GLRA3: variants seen among roughly 807,000 people sequenced by gnomAD.
GLRA3 encodes glycine receptor alpha 3, also known as glycine receptor subunit alpha-3.
GLRA3 carries 44 observed loss-of-function variants against 60.4 expected under a neutral mutation model. The ratio of observed to expected loss-of-function variants is 0.73; its 90% confidence interval spans 0.57 to 0.94. GLRA3 has a LOEUF of 0.94. GLRA3 is among the 40% of genes least tolerant of loss of function. The pLI is 0.00. For synonymous variants in GLRA3, 223 were observed against 192.9 expected, an observed-to-expected ratio of 1.16 and a Z score of -1.29; for missense variants, 508 against 564.6, an observed-to-expected ratio of 0.90 and a Z score of 1.02.
intron 1 of GLRA3, among the ~76,000 whole-genome samples, chr4:174,825,627 TG>T (rs1740934930): frequency 6.6e-6 from 1 of 152,146 alleles, no homozygotes; most frequent in Non-Finnish European, 1.5e-5. Flanking sequence ...CAAAGAAAGC[TG>T]AACACTGATG....
At chr4:174,663,673 C>T (rs1196619425) in intron 7 of GLRA3, among the ~76,000 whole-genome samples, 1 of 152,140 alleles carries the variant, frequency 6.6e-6, no homozygotes, top group Non-Finnish European at 1.5e-5. Flanking sequence ...AGCTTCTCCG[C>T]CAAGTACAGC....
At chr4:174,810,256 A>G (rs1222517486) in intron 1 of GLRA3, among the ~76,000 whole-genome samples, 1 of 152,128 alleles carries the variant, frequency 6.6e-6, no homozygotes, top group Non-Finnish European at 1.5e-5. Context: ...AAAGGAAACA[A>G]AAGATGCTGG....
intron 5 of GLRA3, among the ~76,000 whole-genome samples, chr4:174,705,582 A>C (rs73867682): frequency 0.067 from 9,694 of 143,966 alleles, 1,590 homozygotes; most frequent in African/African-American, 0.18. Flanking sequence ...TTAGCCTCCA[A>C]TAGTCTTTTC....
intron 6 of GLRA3, among the ~76,000 whole-genome samples, chr4:174,678,143 C>T (rs1734200933): frequency 6.6e-6 from 1 of 152,078 alleles, no homozygotes; most frequent in East Asian, 1.9e-4. Context: ...CTTAAAAACA[C>T]ACTAAAAACA....
chr4:174,768,815 T>C lies in GLRA3; in HGVS notation c.200-1785A>G, dbSNP rs114139279. ...TTCTTTTCCCACCACCTTGTTTATA[T>C]GACCTTCAAAACATTTCATTATCTG... On this transcript the variant is annotated intron_variant, in intron 2 of 9. Transcript: ENST00000274093. Among the ~76,000 whole-genome samples, 668 of 152,270 alleles carry C rather than the reference T, an allele frequency of 4.4e-3. 3 individuals carry two copies. The highest frequency in any genetic ancestry group is 0.017 in the Middle Eastern group (5 of 294).
chr4:174,724,074 G>GTA (rs759675370), intron 4 of GLRA3, among the ~76,000 whole-genome samples: 479 of 146,738 alleles, frequency 3.3e-3, no homozygotes, highest in Middle Eastern at 7.1e-3. Context: ...ATATATATAT[G>GTA]TATATATATA....
chr4:174,715,024 G>A (rs941382472), intron 5 of GLRA3, among the ~76,000 whole-genome samples: 4 of 152,168 alleles, frequency 2.6e-5, no homozygotes, highest in Non-Finnish European at 4.4e-5. Flanking sequence ...TAGGTTTGGA[G>A]GCAGTTTGTC....
chr4:174,722,662 G>A (rs978401033), intron 4 of GLRA3: 1 of 160,372 alleles, frequency 6.2e-6, no homozygotes, highest in African/African-American at 2.4e-5. Flanking sequence ...TTTTAATGGG[G>A]TTTCAGAGGA....
intron 3 of GLRA3, among the ~76,000 whole-genome samples, chr4:174,762,491 T>C (rs1238769792): frequency 6.6e-6 from 1 of 152,152 alleles, no homozygotes; most frequent in African/African-American, 2.4e-5. Flanking sequence ...TTTTTGGTTC[T>C]TATAACTAGG....
chr4:174,791,598 T>C (rs1206506167), intron 1 of GLRA3, among the ~76,000 whole-genome samples: 2 of 152,224 alleles, frequency 1.3e-5, no homozygotes, highest in Non-Finnish European at 2.9e-5. Context: ...TATCATACTT[T>C]CTTTTTAGCT....
intron 1 of GLRA3, among the ~76,000 whole-genome samples, chr4:174,817,453 T>C (rs907037017): frequency 6.6e-6 from 1 of 152,190 alleles, no homozygotes; most frequent in Non-Finnish European, 1.5e-5. Flanking sequence ...ATTGTGCACT[T>C]TTTGTCACTC....
intron 4 of GLRA3, among the ~76,000 whole-genome samples, chr4:174,723,170 T>C (rs1736193756): frequency 6.6e-6 from 1 of 152,128 alleles, no homozygotes; most frequent in Non-Finnish European, 1.5e-5. Context: ...ATCTCATTAA[T>C]TGTATTTAAA....
At chr4:174,718,939 T>C (rs1235697157) in intron 4 of GLRA3, among the ~76,000 whole-genome samples, 1 of 151,022 alleles carries the variant, frequency 6.6e-6, no homozygotes, top group Non-Finnish European at 1.5e-5. Flanking sequence ...AGCCCTGGGG[T>C]TCTAGTTCTA....
chr4:174,744,364 C>G (rs373863841), intron 3 of GLRA3, among the ~76,000 whole-genome samples: 1 of 152,368 alleles, frequency 6.6e-6, no homozygotes, highest in East Asian at 1.9e-4. Context: ...CCTACTGACA[C>G]AGGTGCTGGT....
intron 4 of GLRA3, among the ~76,000 whole-genome samples, chr4:174,718,600 T>C (rs2111104123): frequency 6.6e-6 from 1 of 152,362 alleles, no homozygotes; most frequent in East Asian, 1.9e-4. Flanking sequence ...TTGCTGACTC[T>C]ATTATAGACT....
intron 2 of GLRA3, among the ~76,000 whole-genome samples, chr4:174,782,311 C>T (rs1186216586): frequency 1.3e-5 from 2 of 151,840 alleles, no homozygotes; most frequent in African/African-American, 2.4e-5. Context: ...ATTCATGGGA[C>T]GTATTTCAAA....
intron 1 of GLRA3, among the ~76,000 whole-genome samples, chr4:174,806,604 T>A (rs775689134): frequency 6.6e-5 from 10 of 152,112 alleles, no homozygotes; most frequent in Non-Finnish European, 1.5e-4. Context: ...GTATAACAAC[T>A]ATTTAAATGG....
At position 174,789,269 on chromosome 4, in the gene GLRA3, T is replaced by A. The variant is rs78036073; in HGVS notation, c.72-326A>T. On this transcript the variant is annotated intron_variant, in intron 1 of 9. Transcript: ENST00000274093. ...TCTGATAGCAATTTTTAACCAAATG[T>A]ATCCTTATTGCTTTAGGTGTAAGAA... is the stretch of plus-strand genomic sequence containing the variant. 2.8e-3 allele frequency among the ~76,000 whole-genome samples: 430 copies of A among 152,344 alleles called. 2 individuals carry two copies. Among genetic ancestry groups the A allele is most frequent in the African/African-American group, 9.8e-3 (409 of 41,582 alleles).
At position 174,728,652 on chromosome 4, in the gene GLRA3, C is replaced by A; in HGVS notation, c.314G>T (p.Arg105Leu). Residue 105 changes from arginine to leucine, a missense_variant, in exon 4 of 10, where the codon CGC (arginine) becomes CTC (leucine). Arg to Leu is a moderately radical substitution (Grantham distance 102). Coordinates refer to ENST00000274093, the MANE Select transcript of GLRA3 (RefSeq NM_006529.4). ...IFLRQKWNDPRLAYSEYPDDS... is the reference protein window; with the variant it reads ...IFLRQKWNDPLLAYSEYPDDS... Reference sequence around the variant, plus strand: ...GTCAGGATATTCACTGTACGCGAGGCGGGGATCATTCCATTTCTGACGAAG... The same window carrying A: ...GTCAGGATATTCACTGTACGCGAGGAGGGGATCATTCCATTTCTGACGAAG... 6.2e-7 allele frequency: 1 copy of A among 1,610,062 alleles called. No homozygotes were observed.
Sources: gnomAD v4.1 joint callset for allele counts (sites outside exome capture counted in the v4.1 genomes callset) on GRCh38, gnomAD v4.1.1 for gene constraint, MANE v1.5 for transcripts, NCBI Gene and HGNC (gene_info 2026-07-23, HGNC 2026-07-21) for gene names.